BMPR2: variants seen among roughly 807,000 people sequenced by gnomAD.
BMPR2 encodes the protein bone morphogenetic protein receptor type-2.
A neutral mutation model predicts 100.8 loss-of-function variants in BMPR2; 29 were observed. The observed-to-expected ratio is 0.29, with a 90% CI of 0.21 to 0.39. BMPR2 has a LOEUF of 0.39. Ranked by LOEUF, BMPR2 falls within the 10% of genes least tolerant of loss-of-function variation. The probability of loss-of-function intolerance (pLI) is 1.00; values close to 1 mark genes in which losing one functional copy is unlikely to be tolerated. For synonymous variants in BMPR2, 382 were observed against 442.3 expected, an observed-to-expected ratio of 0.86 and a Z score of 1.71; for missense variants, 1,011 against 1,274.5, an observed-to-expected ratio of 0.79 and a Z score of 3.15.
At chr2:202,536,870 C>CAAAA (rs34999694) in intron 9 of BMPR2, among the ~76,000 whole-genome samples, 50 of 84,244 alleles carry the variant, frequency 5.9e-4, no homozygotes, top group Non-Finnish European at 9.6e-4. Flanking sequence ...AACTCGGTCT[C>CAAAA]AAAAAAAAAA....
At chr2:202,453,895 C>T (rs138672613) in intron 1 of BMPR2, among the ~76,000 whole-genome samples, 2,066 of 152,150 alleles carry the variant, frequency 0.014, 31 homozygotes, top group Admixed American at 0.023. Flanking sequence ...TGATTGTTAA[C>T]TCATTGCATG....
chr2:202,417,868 G>A (rs1691169283), intron 1 of BMPR2, among the ~76,000 whole-genome samples: 1 of 152,012 alleles, frequency 6.6e-6, no homozygotes, highest in Non-Finnish European at 1.5e-5. Flanking sequence ...ACAGGTGGCC[G>A]CCACCACGCC....
At chr2:202,535,437 A>C (rs1163046933) in intron 9 of BMPR2, among the ~76,000 whole-genome samples, 1 of 142,384 alleles carries the variant, frequency 7.0e-6, no homozygotes, top group Non-Finnish European at 1.5e-5. Context: ...CGCTCCTCAC[A>C]TCCCAGACGG....
At chr2:202,417,452 G>A (rs1248882598) in intron 1 of BMPR2, among the ~76,000 whole-genome samples, 4 of 152,070 alleles carry the variant, frequency 2.6e-5, no homozygotes, top group East Asian at 3.9e-4. Flanking sequence ...ACAGGCATGC[G>A]CCACCATGCC....
At chr2:202,494,170 T>C (rs1692970089) in intron 3 of BMPR2, among the ~76,000 whole-genome samples, 1 of 152,244 alleles carries the variant, frequency 6.6e-6, no homozygotes, top group Admixed American at 6.5e-5. Flanking sequence ...CATAACAATT[T>C]GGATTATTTT....
At chr2:202,388,883 G>T (rs2105901188) in intron 1 of BMPR2, among the ~76,000 whole-genome samples, 1 of 151,708 alleles carries the variant, frequency 6.6e-6, no homozygotes, top group South Asian at 2.1e-4. Flanking sequence ...CCCTTTTAAT[G>T]AAAATAGATT....
intron 3 of BMPR2, among the ~76,000 whole-genome samples, chr2:202,498,608 A>G (rs1242813062): frequency 6.6e-6 from 1 of 152,150 alleles, no homozygotes; most frequent in Non-Finnish European, 1.5e-5. Flanking sequence ...ACAAACCAAA[A>G]CCACGGGCGG....
At chr2:202,383,242 C>T (rs947623641) in intron 1 of BMPR2, among the ~76,000 whole-genome samples, 6 of 152,136 alleles carry the variant, frequency 3.9e-5, no homozygotes, top group Admixed American at 3.9e-4. Context: ...ACCAGCCCTG[C>T]TGTACAAAAA....
intron 1 of BMPR2, among the ~76,000 whole-genome samples, chr2:202,383,728 G>A (rs911501600): frequency 2.0e-5 from 3 of 151,378 alleles, no homozygotes; most frequent in South Asian, 2.1e-4. Flanking sequence ...GTGCATGCCT[G>A]TAATCCTAGC....
chr2:202,455,356 T>C (rs1692071730), intron 1 of BMPR2, among the ~76,000 whole-genome samples: 1 of 151,860 alleles, frequency 6.6e-6, no homozygotes, highest in Admixed American at 6.6e-5. Flanking sequence ...GAGACCAGAC[T>C]GGGCAACATA....
chr2:202,438,490 TTTG>T (rs1438800894), intron 1 of BMPR2, among the ~76,000 whole-genome samples: 1 of 150,414 alleles, frequency 6.6e-6, no homozygotes, highest in African/African-American at 2.5e-5. Flanking sequence ...TATTTTTCCT[TTTG>T]TTGTGCTTTT....
chr2:202,388,396 CAAAAAAAAAAA>C (rs71406975), intron 1 of BMPR2, among the ~76,000 whole-genome samples: 2 of 36,974 alleles, frequency 5.4e-5, no homozygotes, highest in East Asian at 1.0e-3. Flanking sequence ...GACTCCATCT[CAAAAAAAAAAA>C]AAAAAAAAAA....
In BMPR2 at chr2:202,531,321, CT is replaced by C. The variant is rs1688022817; in HGVS notation, c.1128+368del. On this transcript the variant is annotated intron_variant, in intron 8 of 12. Coordinates refer to ENST00000374580, the MANE Select transcript of BMPR2 (RefSeq NM_001204.7). Reference sequence around the variant, plus strand: ...GACTCAGGACAATTATCCTCATATACTGCCAATTATAGAATACTAGGAATTA... The same window carrying C: ...GACTCAGGACAATTATCCTCATATACGCCAATTATAGAATACTAGGAATTA... 3.3e-5 allele frequency among the ~76,000 whole-genome samples: 5 copies of C among 152,128 alleles called. No individual in the cohort carries two copies. The South Asian group carries it at 1.0e-3, about 32-fold the overall frequency.
At chr2:202,439,851 C>T (rs1691696673) in intron 1 of BMPR2, among the ~76,000 whole-genome samples, 1 of 149,158 alleles carries the variant, frequency 6.7e-6, no homozygotes, top group Non-Finnish European at 1.5e-5. Flanking sequence ...AGCAGATAAA[C>T]ATGTGAACAA....
intron 3 of BMPR2, among the ~76,000 whole-genome samples, chr2:202,470,556 T>G (rs1692414888): frequency 1.3e-5 from 2 of 149,348 alleles, no homozygotes; most frequent in South Asian, 4.2e-4. Context: ...GGTCAGGAGA[T>G]CGAGACCATC....
At chr2:202,446,517 A>G (rs1450777579) in intron 1 of BMPR2, among the ~76,000 whole-genome samples, 18 of 150,720 alleles carry the variant, frequency 1.2e-4, no homozygotes, top group Non-Finnish European at 2.4e-4. Flanking sequence ...GTAAATCATA[A>G]TGATGGGCCT....
At chr2:202,496,853 C>T (rs1693041253) in intron 3 of BMPR2, among the ~76,000 whole-genome samples, 2 of 152,246 alleles carry the variant, frequency 1.3e-5, no homozygotes, top group Admixed American at 6.5e-5. Flanking sequence ...GTGGGAGCCA[C>T]TTTCTGGGCT....
At chr2:202,530,997 G>T (rs1688014380) in intron 8 of BMPR2, 43 bp downstream of exon 8, 1 of 1,609,304 alleles carries the variant, frequency 6.2e-7, no homozygotes, top group African/African-American at 1.3e-5. Flanking sequence ...ACTTTGAAAT[G>T]ATAATTTAAT....
rs1360262548 is a variant in BMPR2 at position 202,441,751 on chromosome 2, T to TGGCC, written c.77-23057_77-23054dup. 1.2e-4 allele frequency among the ~76,000 whole-genome samples: 14 copies of TGGCC among 119,286 alleles called. 2 individuals are homozygous for TGGCC. Among genetic ancestry groups the TGGCC allele is most frequent in the African/African-American group, 4.5e-4 (13 of 29,212 alleles). The allele number at this position is 119,286 out of a possible 152,430, so 78.3% of individuals were successfully genotyped here. A position where few individuals can be genotyped will look rare whatever the true frequency, so the allele number is the denominator to read the frequency against. The stretch of plus-strand genomic sequence containing the variant: ...AAAAAAAAAAAAAAATTATAAAATG[T>TGGCC]GGCCAGGCGTGGTGGCTCACGCCTG... On this transcript the variant is annotated intron_variant, in intron 1 of 12. Coordinates refer to ENST00000374580, the MANE Select transcript of BMPR2 (RefSeq NM_001204.7).
Sources: gnomAD v4.1 joint callset for allele counts (sites outside exome capture counted in the v4.1 genomes callset) on GRCh38, gnomAD v4.1.1 for gene constraint, MANE v1.5 for transcripts, NCBI Gene and HGNC (gene_info 2026-07-23, HGNC 2026-07-21) for gene names.